CLUH: variants seen among roughly 807,000 people sequenced by gnomAD.
The protein encoded by CLUH is CLUH binding protein of NUMT mRNA.
CLUH carries 77 observed loss-of-function variants against 139.3 expected under a neutral mutation model. The ratio of observed to expected loss-of-function variants is 0.55; its 90% confidence interval spans 0.46 to 0.67. The LOEUF (loss-of-function observed/expected upper bound fraction) is 0.67. CLUH is among the 30% of genes least tolerant of loss of function. The pLI is 0.00. For missense variants in CLUH, 1,876 were observed against 1,875.8 expected, an observed-to-expected ratio of 1.00 and a Z score of 0.00; for synonymous variants, 999 against 801.6, an observed-to-expected ratio of 1.25 and a Z score of -4.16.
intron 19 of CLUH, 156 bp from the exon 20 acceptor site, chr17:2,693,016 A>T: frequency 8.4e-6 from 5 of 592,304 alleles, no homozygotes; most frequent in Non-Finnish European, 1.4e-5. Context: ...GGGGATCAGC[A>T]GCAGCTGCTG....
Position 2,690,673 on chromosome 17 carries a change from G to A in CLUH, c.3968C>T (p.Pro1323Leu). The change falls in exon 26 of 26, where the codon CCC becomes CTC. Residue 1323 changes from proline to leucine, a missense_variant. Physicochemically the swap from Pro to Leu is moderately conservative, Grantham distance 98. Coordinates refer to ENST00000651024, the MANE Select transcript of CLUH (RefSeq NM_001366661.1). ...GTCTCCTGGGGCCCCCGCTGGCGCG[G>A]GCTCGGTAGCCATGGGCTCCTCGGC... ...DRAEEPMATEPAPAGAPGDLG... is the reference protein window; with the variant it reads ...DRAEEPMATELAPAGAPGDLG... 1 of 1,555,136 alleles carries A rather than the reference G, an allele frequency of 6.4e-7. No homozygotes were observed. Among genetic ancestry groups the A allele is most frequent in the Non-Finnish European group, 8.6e-7 (1 of 1,157,662 alleles).
At chr17:2,701,834 C>A in intron 4 of CLUH, 80 bp downstream of exon 4, 1 of 1,589,200 alleles carries the variant, frequency 6.3e-7, no homozygotes, top group Non-Finnish European at 8.5e-7. Context: ...CAGGCCCAGG[C>A]CCCTCGGCCC....
At chr17:2,700,565 C>CA (rs1176272006) in intron 8 of CLUH, 91 bp from the exon 9 acceptor site, 23 of 1,538,740 alleles carry the variant, frequency 1.5e-5, no homozygotes, top group Non-Finnish European at 2.0e-5. Flanking sequence ...CTGAGAAGAG[C>CA]CCCAGACTCC....
intron 9 of CLUH, 94 bp downstream of exon 9, chr17:2,700,288 C>T: frequency 5.0e-6 from 6 of 1,209,084 alleles, no homozygotes; most frequent in Non-Finnish European, 7.0e-6. Context: ...TTAGGGCTGC[C>T]CCTGCCTCCC....
chr17:2,694,303 A>C (rs1289410032), intron 17 of CLUH, 27 bp from the exon 18 acceptor site: 12 of 1,565,306 alleles, frequency 7.7e-6, no homozygotes, highest in South Asian at 1.2e-5. Flanking sequence ...CCACCACAGG[A>C]AGCCTCAGGC....
intron 22 of CLUH, 93 bp downstream of exon 22, chr17:2,692,268 G>C: frequency 6.9e-7 from 1 of 1,459,674 alleles, no homozygotes; most frequent in Admixed American, 2.3e-5. Flanking sequence ...TTCTCGGGTG[G>C]AGGAAGACAG....
At position 2,704,322 on chromosome 17, in the gene CLUH, G is replaced by A. The variant is rs748720263; in HGVS notation, c.303+40C>T. The A allele has an allele frequency of 6.3e-7, 1 of 1,581,816 alleles. No homozygotes were observed. Among genetic ancestry groups the A allele is most frequent in the South Asian group, 1.1e-5 (1 of 87,262 alleles). On this transcript the variant is annotated intron_variant, in intron 2 of 25. Transcript: ENST00000651024. This position sits in a 1 kb window ranked among gnomAD's most constrained non-coding sequence, Gnocchi z 5.7. Reference sequence around the variant, plus strand: ...GCTTTCCAGCTCACCCTCCCCAGCAGGCTCAGGCCTGGCCCCCAGCACCCG... The same window carrying A: ...GCTTTCCAGCTCACCCTCCCCAGCAAGCTCAGGCCTGGCCCCCAGCACCCG...
chr17:2,702,149 C>T (rs924763868), intron 3 of CLUH, 92 bp from the exon 4 acceptor site: 12 of 1,451,794 alleles, frequency 8.3e-6, no homozygotes, highest in African/African-American at 1.4e-5. Context: ...GGTGCTAACA[C>T]AGTGGTTTTA....
chr17:2,701,277 G>A lies in CLUH; in HGVS notation c.900-12C>T. On this transcript the variant is annotated splice_polypyrimidine_tract_variant and intron_variant, in intron 6 of 25. Transcript: ENST00000651024. The stretch of plus-strand genomic sequence containing the variant: ...GATAAGCTGTGGACCTGCAGGGAGA[G>A]GGCGGGCACTGAGCGGGGGCCCAGG... The A allele has an allele frequency of 1.2e-6, 2 of 1,610,870 alleles. No homozygotes were observed. Among genetic ancestry groups the A allele is most frequent in the Non-Finnish European group, 8.5e-7 (1 of 1,178,512 alleles).
Position 2,698,310 on chromosome 17 carries a change from C to T in CLUH, c.1547G>A (p.Arg516His), listed in dbSNP as rs1429591717. ...GGACTGGGCCGTGACCCGGTAGCCG[C>T]GGTAATCCACCACCACCGTGCCCAG... is the stretch of plus-strand genomic sequence containing the variant. Reference protein sequence around the residue: ...YTLGTVVVDYRGYRVTAQSII... With the variant: ...YTLGTVVVDYHGYRVTAQSII... The change falls in exon 10 of 26, where the codon CGC (arginine) becomes CAC (histidine). Residue 516 changes from arginine (R) to histidine (H), a missense_variant. Arg to His is a conservative substitution (Grantham distance 29). Around this residue, in one of 3 missense-constraint regions of CLUH, gnomAD observed 1,454 missense variants for 1,384.4 expected, o/e 1.05. Coordinates refer to ENST00000651024, the MANE Select transcript of CLUH (RefSeq NM_001366661.1). 1.9e-6 allele frequency: 3 copies of T among 1,612,562 alleles called. No individual in the cohort carries two copies. Among genetic ancestry groups the T allele is most frequent in the Non-Finnish European group, 1.7e-6 (2 of 1,179,628 alleles).
In CLUH at chr17:2,692,784, T is replaced by G. The variant is rs1049689788; in HGVS notation, c.3308A>C (p.Glu1103Ala). ...MGTEHPNTIQ[E>A]YMHLALYCFA... ...CGGGCGGCACTCGCGACTCACGTAT[T>G]CCTGGATGGTGTTGGGGTGCTCGGT... Residue 1103 changes from glutamate (E) to alanine (A), a missense_variant, in exon 20 of 26, where the codon GAA (glutamate) becomes GCA (alanine). By Grantham distance (107) the Glu-to-Ala change is moderately radical. This residue lies in a region of CLUH where 1,454 missense variants were observed against 1,384.4 expected (regional missense o/e 1.05). Transcript: ENST00000651024. 27 of 1,602,280 alleles carry G rather than the reference T, an allele frequency of 1.7e-5. No individual in the cohort carries two copies. The highest frequency in any genetic ancestry group is 2.3e-5 in the Non-Finnish European group (27 of 1,172,184).
rs2069915228 is a variant in CLUH, at chr17:2,695,735, C to T, written c.2392-209G>A. 4.2e-5 allele frequency: 28 copies of T among 667,528 alleles called. No homozygotes were observed. The South Asian group carries it at 4.7e-4, about 11-fold the overall frequency. The allele number at this position is 667,528 out of a possible 1,614,324, so 41.4% of individuals were successfully genotyped here. On this transcript the variant is annotated intron_variant, in intron 13 of 25. Coordinates refer to ENST00000651024, the MANE Select transcript of CLUH (RefSeq NM_001366661.1). Reference sequence around the variant, plus strand: ...GGTGGTGGTACAGGCCCCCTCTAACCATGTGGGAGAAGCAGAGGTGCCCGC... The same window carrying T: ...GGTGGTGGTACAGGCCCCCTCTAACTATGTGGGAGAAGCAGAGGTGCCCGC...
At position 2,706,666 on chromosome 17, in the gene CLUH, GC is replaced by G. The variant is rs1353469801; in HGVS notation, c.101-2103del. Among the ~76,000 whole-genome samples, 3 of 152,318 alleles carry G rather than the reference GC, an allele frequency of 2.0e-5. No individual in the cohort carries two copies. The highest frequency in any genetic ancestry group is 7.2e-5 in the African/African-American group (3 of 41,572). ...ACTCTAGTGACAGAGCAGAAAGACA[GC>G]CGGGGCGGTGGTCGGTCAGCTTGCA... On this transcript the variant is annotated intron_variant, in intron 1 of 25. Transcript: ENST00000651024. The surrounding 1 kb of genome is among the most constrained non-coding windows in gnomAD (Gnocchi z 4.6).
In CLUH at chr17:2,698,176, G is replaced by A. The variant is rs201123979; in HGVS notation, c.1681C>T (p.Arg561Cys). The A allele has an allele frequency of 2.5e-5, 40 of 1,573,428 alleles. 1 individual carries two copies. In the East Asian group the frequency reaches 5.9e-4, roughly 23 times the overall value. The change falls in exon 10 of 26, where the codon CGC becomes TGC. Residue 561 changes from arginine to cysteine, a missense_variant. Coordinates refer to ENST00000651024, the MANE Select transcript of CLUH (RefSeq NM_001366661.1). ...SHPRYLELLERTSRPLKILRH... is the reference protein window; with the variant it reads ...SHPRYLELLECTSRPLKILRH... The stretch of plus-strand genomic sequence containing the variant: ...AGGATCTTGAGGGGCCGACTCGTGC[G>A]CTCCAGCAGCTCCAGGTACCGCGGG...
Position 2,698,167 on chromosome 17 carries a change from G to A in CLUH, c.1690C>T (p.Arg564Trp), listed in dbSNP as rs777116409. 2.5e-6 allele frequency: 4 copies of A among 1,574,932 alleles called. No homozygotes were observed. The highest frequency in any genetic ancestry group is 2.3e-5 in the South Asian group (2 of 86,202). ...RYLELLERTS[R>W]PLKILRHQVL... ...TGGTGCCGCAGGATCTTGAGGGGCCGACTCGTGCGCTCCAGCAGCTCCAGG... is the reference window on the plus strand; with the variant it reads ...TGGTGCCGCAGGATCTTGAGGGGCCAACTCGTGCGCTCCAGCAGCTCCAGG... The change falls in exon 10 of 26, where the codon CGG (arginine) becomes TGG (tryptophan). Residue 564 changes from arginine (R) to tryptophan (W), a missense_variant. Transcript: ENST00000651024.
Position 2,704,706 on chromosome 17 carries a change from C to A in CLUH, c.101-142G>T. The A allele has an allele frequency of 6.6e-6, 5 of 761,096 alleles. No individual in the cohort carries two copies. Among genetic ancestry groups the A allele is most frequent in the Non-Finnish European group, 1.0e-5 (5 of 480,846 alleles). 47.1% of individuals were successfully genotyped at this position (761,096 alleles called of 1,614,324 possible). On this transcript the variant is annotated intron_variant, in intron 1 of 25. Transcript: ENST00000651024. The surrounding 1 kb of genome is among the most constrained non-coding windows in gnomAD (Gnocchi z 5.7). Reference sequence around the variant, plus strand: ...TCCCAGCCTCACGGTCGCGCCTCGCCCTCCGTGCACCTGCAGGCCACTTCC... The same window carrying A: ...TCCCAGCCTCACGGTCGCGCCTCGCACTCCGTGCACCTGCAGGCCACTTCC...
rs1306458497 is a variant in CLUH, at chr17:2,691,395, C to G, written c.3863+214G>C. 3.3e-5 allele frequency among the ~76,000 whole-genome samples: 5 copies of G among 152,110 alleles called. No homozygotes were observed. In the East Asian group the frequency reaches 9.7e-4, roughly 29 times the overall value. On this transcript the variant is annotated intron_variant, in intron 25 of 25. Coordinates refer to ENST00000651024, the MANE Select transcript of CLUH (RefSeq NM_001366661.1). ...TGGTCAACGTGGTGAAACCCCATCT[C>G]TACTACAAACACAAAAATGAGCCGG...
rs58962366 is a variant in CLUH at position 2,694,429 on chromosome 17, GCAGCGGGGACACAGCGGGGACA to G, written c.2937+29_2937+50del. ...AGGAGTGGGAGCCTGCAGCAGGGAC[GCAGCGGGGACACAGCGGGGACA>G]CAGCGGGGATGCTGTGAGCCATGCC... is the stretch of plus-strand genomic sequence containing the variant. On this transcript the variant is annotated intron_variant, in intron 17 of 25. Transcript: ENST00000651024. 9.9e-4 allele frequency: 1,467 copies of G among 1,478,366 alleles called. 5 individuals are homozygous for G. Among genetic ancestry groups the G allele is most frequent in the East Asian group, 9.6e-3 (391 of 40,710 alleles). The allele number at this position is 1,478,366 out of a possible 1,614,324, so 91.6% of individuals were successfully genotyped here. A position where few individuals can be genotyped will look rare whatever the true frequency, so the allele number is the denominator to read the frequency against.
chr17:2,701,295 G>A lies in CLUH; in HGVS notation c.900-30C>T, dbSNP rs552606118. 3.1e-6 allele frequency: 5 copies of A among 1,608,360 alleles called. No individual in the cohort carries two copies. The Admixed American group carries it at 5.1e-5, about 16-fold the overall frequency. ...AGGGAGAGGGCGGGCACTGAGCGGG[G>A]GCCCAGGTGTCTGCCCAGACCCAGG... On this transcript the variant is annotated intron_variant, in intron 6 of 25. Transcript: ENST00000651024.
Sources: allele counts gnomAD v4.1 joint callset (sites outside exome capture counted in the v4.1 genomes callset), GRCh38; gene constraint gnomAD v4.1.1; regional missense constraint gnomAD v4.1.1; non-coding constraint Gnocchi (gnomAD v3.1); transcripts MANE v1.5; gene names NCBI Gene and HGNC (gene_info 2026-07-23, HGNC 2026-07-21).